ROR2: variants seen among roughly 807,000 people sequenced by gnomAD.
ROR2 encodes the protein ROR family WNT receptor 2, also known as tyrosine-protein kinase transmembrane receptor ROR2.
Under a neutral mutation model 74.9 loss-of-function variants are expected in ROR2, and 33 were observed. That is an observed-to-expected ratio of 0.44 (90% CI 0.33 to 0.59). The LOEUF (loss-of-function observed/expected upper bound fraction) is 0.59. ROR2 is among the 20% of genes least tolerant of loss of function. The pLI is 0.02. For missense variants in ROR2, 1,216 were observed against 1,313.8 expected (o/e 0.93, Z 1.15); for synonymous variants, 586 against 558.7 (o/e 1.05, Z -0.69).
intron 1 of ROR2, among the ~76,000 whole-genome samples, chr9:91,792,474 A>C (rs908595620): frequency 1.3e-5 from 2 of 152,106 alleles, no homozygotes; most frequent in African/African-American, 4.8e-5. Flanking sequence ...ACGCCCAGCT[A>C]ATTTTTTGTA....
intron 5 of ROR2, among the ~76,000 whole-genome samples, chr9:91,735,575 C>G (rs1461558613): frequency 1.4e-5 from 2 of 145,386 alleles, no homozygotes; most frequent in Non-Finnish European, 3.0e-5. Flanking sequence ...TAGAGGATGT[C>G]AGAATGCACG....
chr9:91,908,240 A>G (rs1317002269), intron 1 of ROR2, among the ~76,000 whole-genome samples: 2 of 152,212 alleles, frequency 1.3e-5, no homozygotes, highest in Non-Finnish European at 2.9e-5. Flanking sequence ...AAGGGAGACA[A>G]TGGGACACGT....
intron 1 of ROR2, among the ~76,000 whole-genome samples, chr9:91,941,772 C>T (rs1187736514): frequency 6.8e-6 from 1 of 147,582 alleles, no homozygotes; most frequent in Non-Finnish European, 1.5e-5. Context: ...CCCCGCCCTG[C>T]CCTCCTTTCT....
At chr9:91,815,312 C>T (rs1827890584) in intron 1 of ROR2, among the ~76,000 whole-genome samples, 1 of 152,138 alleles carries the variant, frequency 6.6e-6, no homozygotes, top group African/African-American at 2.4e-5. Flanking sequence ...TGATTTTTCT[C>T]TTATGATCAG....
In ROR2 at chr9:91,949,949, C is replaced by A. The variant is rs765439594; in HGVS notation, c.15G>T (p.Ser5=). 5 of 1,506,830 alleles carry A rather than the reference C, an allele frequency of 3.3e-6. No individual in the cohort carries two copies. The South Asian group carries it at 3.7e-5, about 11-fold the overall frequency. 93.3% of individuals were successfully genotyped at this position (1,506,830 alleles called of 1,614,324 possible). A position where few individuals can be genotyped will look rare whatever the true frequency, so the allele number is the denominator to read the frequency against. The change falls in exon 1 of 9, where the codon TCG becomes TCT. Residue 5 remains serine (S), a synonymous_variant. Transcript: ENST00000375708. ...ACAGCAGCGGCCGCCGCGGGAGCGC[C>A]GAGCCCCGGGCCATGCCGCAGGCAG... MARG[S]ALPRRPLLCI... is the part of the protein sequence containing the mutation.
At chr9:91,752,664 T>G in intron 4 of ROR2, among the ~76,000 whole-genome samples, 1 of 152,244 alleles carries the variant, frequency 6.6e-6, no homozygotes. Context: ...TGCAGAGATT[T>G]ATGCATTTGT....
At chr9:91,887,929 T>C (rs1587823037) in intron 1 of ROR2, among the ~76,000 whole-genome samples, 1 of 151,430 alleles carries the variant, frequency 6.6e-6, no homozygotes, top group Non-Finnish European at 1.5e-5. Context: ...GTAGCTGGGA[T>C]TACAGGCACG....
intron 1 of ROR2, among the ~76,000 whole-genome samples, chr9:91,860,368 G>A (rs535425961): frequency 1.3e-5 from 2 of 152,166 alleles, no homozygotes; most frequent in Non-Finnish European, 2.9e-5. Context: ...CATGAGAAAC[G>A]GTGGCTTGAG....
intron 1 of ROR2, among the ~76,000 whole-genome samples, chr9:91,856,358 C>A (rs1390906671): frequency 6.6e-6 from 1 of 152,216 alleles, no homozygotes; most frequent in East Asian, 1.9e-4. Context: ...TTAATATGCT[C>A]AAAATGCTGT....
intron 1 of ROR2, among the ~76,000 whole-genome samples, chr9:91,805,238 C>T (rs984557411): frequency 2.0e-5 from 3 of 152,232 alleles, no homozygotes; most frequent in Non-Finnish European, 4.4e-5. Flanking sequence ...GGGACAGTCA[C>T]ATGGCCATGC....
chr9:91,777,106 A>G (rs1166525626), intron 1 of ROR2, among the ~76,000 whole-genome samples: 1 of 152,234 alleles, frequency 6.6e-6, no homozygotes, highest in African/African-American at 2.4e-5. Flanking sequence ...CTAGGTTGTT[A>G]TTGCTAATCT....
intron 2 of ROR2, among the ~76,000 whole-genome samples, chr9:91,759,345 G>C (rs1188033135): frequency 6.6e-6 from 1 of 152,106 alleles, no homozygotes; most frequent in African/African-American, 2.4e-5. Flanking sequence ...AACATCATTA[G>C]GTTCTACCTG....
At chr9:91,939,743 G>A (rs1269277922) in intron 1 of ROR2, among the ~76,000 whole-genome samples, 1 of 152,142 alleles carries the variant, frequency 6.6e-6, no homozygotes, top group Non-Finnish European at 1.5e-5. Flanking sequence ...GGAAGTGAAA[G>A]TGCCTCCTCC....
intron 2 of ROR2, among the ~76,000 whole-genome samples, chr9:91,773,963 G>C (rs983056916): frequency 6.6e-6 from 1 of 152,168 alleles, no homozygotes; most frequent in African/African-American, 2.4e-5. Context: ...CCTTTCCCCA[G>C]ACCTGTAAAA....
intron 1 of ROR2, among the ~76,000 whole-genome samples, chr9:91,781,839 A>ATTCC (rs1186529000): frequency 6.6e-6 from 1 of 152,248 alleles, no homozygotes; most frequent in Non-Finnish European, 1.5e-5. Flanking sequence ...CTTTGCTGTG[A>ATTCC]TTCCACTTCT....
At chr9:91,747,261 C>T (rs1399588892) in intron 4 of ROR2, among the ~76,000 whole-genome samples, 1 of 152,208 alleles carries the variant, frequency 6.6e-6, no homozygotes, top group Admixed American at 6.5e-5. Context: ...CCCAATTAAA[C>T]AGGGATAGAA....
In ROR2 at chr9:91,804,743, G is replaced by T. The variant is rs566419728; in HGVS notation, c.98-28925C>A. On this transcript the variant is annotated intron_variant, in intron 1 of 8. Coordinates refer to ENST00000375708, the MANE Select transcript of ROR2 (RefSeq NM_004560.4). ...ACAGCAATGGATTCAGAGTGGGGGGGTGGTCACAGAACTGCACTCTGAGAT... is the reference window on the plus strand; with the variant it reads ...ACAGCAATGGATTCAGAGTGGGGGGTTGGTCACAGAACTGCACTCTGAGAT... Among the ~76,000 whole-genome samples the T allele has an allele frequency of 3.3e-5, 5 of 152,284 alleles. No individual in the cohort carries two copies. In the East Asian group the frequency reaches 7.7e-4, roughly 24 times the overall value.
At chr9:91,886,195 C>T (rs1190328615) in intron 1 of ROR2, among the ~76,000 whole-genome samples, 1 of 152,032 alleles carries the variant, frequency 6.6e-6, no homozygotes, top group Non-Finnish European at 1.5e-5. Context: ...TTTTAAAAGG[C>T]GCATTTATCT....
intron 3 of ROR2, 141 bp downstream of exon 3, chr9:91,757,131 G>C (rs563306384): frequency 2.8e-6 from 3 of 1,080,978 alleles, no homozygotes; most frequent in South Asian, 2.6e-5. Context: ...GGCACATGGG[G>C]AAGGCCCTAG....
Sources: gnomAD v4.1 joint callset for allele counts (sites outside exome capture counted in the v4.1 genomes callset) on GRCh38, gnomAD v4.1.1 for gene constraint, MANE v1.5 for transcripts, NCBI Gene and HGNC (gene_info 2026-07-23, HGNC 2026-07-21) for gene names.